Variants in KLHL29 observed in about 807,000 individuals in gnomAD.
KLHL29 encodes kelch like family member 29.
KLHL29 carries 21 observed loss-of-function variants against 80.4 expected under a neutral mutation model. That is an observed-to-expected ratio of 0.26 (90% CI 0.19 to 0.38). The LOEUF (loss-of-function observed/expected upper bound fraction) is 0.38, where lower values mean the gene tolerates loss of function less well. KLHL29 is among the 10% of genes least tolerant of loss of function. The probability of loss-of-function intolerance (pLI) is 1.00; values close to 1 mark genes in which losing one functional copy is unlikely to be tolerated. For synonymous variants in KLHL29, 511 were observed against 526.8 expected (o/e 0.97, Z 0.41); for missense variants, 867 against 1,223.9 (o/e 0.71, Z 4.35).
At chr2:23,453,942 C>T (rs1663963260) in intron 1 of KLHL29, among the ~76,000 whole-genome samples, 1 of 151,940 alleles carries the variant, frequency 6.6e-6, no homozygotes, top group Non-Finnish European at 1.5e-5. Context: ...TTTCTGTGTC[C>T]AGGGGATTTT....
intron 3 of KLHL29, among the ~76,000 whole-genome samples, chr2:23,585,252 G>A (rs990967584): frequency 3.9e-5 from 6 of 152,214 alleles, no homozygotes; most frequent in South Asian, 2.1e-4. Context: ...AGCTGAAATC[G>A]GTATAAGAAA....
chr2:23,534,462 C>T (rs143378864), intron 2 of KLHL29, among the ~76,000 whole-genome samples: 105 of 152,262 alleles, frequency 6.9e-4, no homozygotes, highest in African/African-American at 2.3e-3. Context: ...AAATCCTTTG[C>T]GTCCTTTCAG....
chr2:23,667,889 G>C lies in KLHL29; in HGVS notation c.941-16510G>C, dbSNP rs1296681844. 2.0e-5 allele frequency: 3 copies of C among 152,506 alleles called. No individual in the cohort carries two copies. In the East Asian group the frequency reaches 5.8e-4, roughly 29 times the overall value. 9.4% of individuals were successfully genotyped at this position (152,506 alleles called of 1,614,324 possible). A position where few individuals can be genotyped will look rare whatever the true frequency, so the allele number is the denominator to read the frequency against. ...CACCCAGCCCCGCCGTCCTCCCTCT[G>C]TTCCTCTTTCCAGGCCAGGAGCGGG... On this transcript the variant is annotated intron_variant, in intron 5 of 13. Coordinates refer to ENST00000486442, the MANE Select transcript of KLHL29 (RefSeq NM_052920.2).
At chr2:23,577,574 CCT>C (rs1335209595) in intron 3 of KLHL29, among the ~76,000 whole-genome samples, 3 of 151,972 alleles carry the variant, frequency 2.0e-5, no homozygotes, top group Non-Finnish European at 2.9e-5. Flanking sequence ...TGGCGAAACC[CCT>C]GTCTCTACTA....
At chr2:23,537,197 T>G (rs1283725176) in intron 2 of KLHL29, among the ~76,000 whole-genome samples, 1 of 152,166 alleles carries the variant, frequency 6.6e-6, no homozygotes, top group Non-Finnish European at 1.5e-5. Flanking sequence ...GCTAATTCAG[T>G]TGGTGGGTGC....
intron 1 of KLHL29, among the ~76,000 whole-genome samples, chr2:23,403,498 C>T (rs1156990233): frequency 6.6e-6 from 1 of 152,152 alleles, no homozygotes; most frequent in South Asian, 2.1e-4. Flanking sequence ...TTAAAGCAGG[C>T]TTCAAACCTT....
chr2:23,658,143 C>G (rs746185975), intron 5 of KLHL29, among the ~76,000 whole-genome samples: 2 of 152,052 alleles, frequency 1.3e-5, no homozygotes, highest in Non-Finnish European at 2.9e-5. Context: ...ACCCTCCTCC[C>G]CATTGTCCTC....
rs1165820008 is a variant in KLHL29 at position 23,596,206 on chromosome 2, C to T, written c.285+33725C>T. Among the ~76,000 whole-genome samples the T allele has an allele frequency of 6.6e-6, 1 of 152,168 alleles. No homozygotes were observed. The highest frequency in any genetic ancestry group is 1.5e-5 in the Non-Finnish European group (1 of 68,036). On this transcript the variant is annotated intron_variant, in intron 3 of 13. Coordinates refer to ENST00000486442, the MANE Select transcript of KLHL29 (RefSeq NM_052920.2). This position sits in a 1 kb window ranked among gnomAD's most constrained non-coding sequence, Gnocchi z 4.4. ...GCGGGGCAGGGCAACAGCCTTGTAC[C>T]CTGCTGCCATCTGCTTTGACCCTGC...
At chr2:23,522,322 G>T (rs1666130415) in intron 2 of KLHL29, among the ~76,000 whole-genome samples, 1 of 152,000 alleles carries the variant, frequency 6.6e-6, no homozygotes, top group South Asian at 2.1e-4. Flanking sequence ...GCTAATTTTT[G>T]TATTTTTAGT....
intron 2 of KLHL29, among the ~76,000 whole-genome samples, chr2:23,498,265 A>C (rs7609374): frequency 0.014 from 2,093 of 152,334 alleles, 55 homozygotes; most frequent in African/African-American, 0.048. Context: ...AAAATCAAGA[A>C]GTCTGAGATA....
intron 5 of KLHL29, among the ~76,000 whole-genome samples, chr2:23,655,790 A>G (rs1414920029): frequency 2.0e-5 from 3 of 152,166 alleles, no homozygotes; most frequent in Non-Finnish European, 2.9e-5. Context: ...GTAAGCAGAC[A>G]TGGTTTCCAG....
intron 3 of KLHL29, among the ~76,000 whole-genome samples, chr2:23,637,232 G>C (rs1332765909): frequency 6.6e-6 from 1 of 152,204 alleles, no homozygotes; most frequent in East Asian, 1.9e-4. Flanking sequence ...TCCTGCCTCT[G>C]AGCCTCCAGG....
In KLHL29 at chr2:23,596,746, C is replaced by A. The variant is rs1668402599; in HGVS notation, c.285+34265C>A. On this transcript the variant is annotated intron_variant, in intron 3 of 13. Coordinates refer to ENST00000486442, the MANE Select transcript of KLHL29 (RefSeq NM_052920.2). The surrounding 1 kb of genome is among the most constrained non-coding windows in gnomAD (Gnocchi z 4.4). ...GATGCTGGGGCAGAGCCATCTCTTACACACAACGGCGAAATTATTTTCTTC... is the reference window on the plus strand; with the variant it reads ...GATGCTGGGGCAGAGCCATCTCTTAAACACAACGGCGAAATTATTTTCTTC... Among the ~76,000 whole-genome samples the A allele has an allele frequency of 1.3e-5, 2 of 152,214 alleles. No homozygotes were observed. Among genetic ancestry groups the A allele is most frequent in the Admixed American group, 1.3e-4 (2 of 15,284 alleles).
chr2:23,410,446 A>G (rs1408818955), intron 1 of KLHL29, among the ~76,000 whole-genome samples: 2 of 152,124 alleles, frequency 1.3e-5, no homozygotes, highest in East Asian at 1.9e-4. Context: ...GGGGTCAGGT[A>G]TATTGGAGAA....
chr2:23,573,995 G>A (rs1408881174), intron 3 of KLHL29, among the ~76,000 whole-genome samples: 1 of 152,064 alleles, frequency 6.6e-6, no homozygotes, highest in African/African-American at 2.4e-5. Context: ...ATATATCCAA[G>A]CTCAGGGAAG....
intron 2 of KLHL29, among the ~76,000 whole-genome samples, chr2:23,536,740 G>A (rs1006381380): frequency 6.6e-6 from 1 of 152,178 alleles, no homozygotes; most frequent in East Asian, 1.9e-4. Flanking sequence ...GGAAGGGCCC[G>A]AGCCTGTGCT....
At chr2:23,452,549 G>A (rs1180124733) in intron 1 of KLHL29, among the ~76,000 whole-genome samples, 1 of 152,128 alleles carries the variant, frequency 6.6e-6, no homozygotes. Context: ...TTCTGGGAAC[G>A]TCACTGGAGG....
chr2:23,670,584 G>C (rs999295383), intron 5 of KLHL29, among the ~76,000 whole-genome samples: 1 of 152,144 alleles, frequency 6.6e-6, no homozygotes, highest in Non-Finnish European at 1.5e-5. Flanking sequence ...GGCCTGCGGC[G>C]GGGGGCTGAT....
At chr2:23,702,501 C>T (rs1264933645) in intron 11 of KLHL29, among the ~76,000 whole-genome samples, 1 of 152,164 alleles carries the variant, frequency 6.6e-6, no homozygotes, top group Non-Finnish European at 1.5e-5. Context: ...CAAAATGCCA[C>T]CTTTGCCTAC....
Sources: gnomAD v4.1 joint callset for allele counts (sites outside exome capture counted in the v4.1 genomes callset) on GRCh38, gnomAD v4.1.1 for gene constraint, Gnocchi (gnomAD v3.1) non-coding constraint, MANE v1.5 for transcripts, NCBI Gene and HGNC (gene_info 2026-07-23, HGNC 2026-07-21) for gene names.